The following IFT88 variants were observed in gnomAD, a reference collection of about 807,000 sequenced individuals.
IFT88 encodes the protein intraflagellar transport protein 88 homolog.
In IFT88, 74 loss-of-function variants were observed where a neutral mutation model predicts 119.5. The observed-to-expected ratio is 0.62, with a 90% CI of 0.51 to 0.75. The LOEUF is 0.75. Ranked by LOEUF, IFT88 falls within the 30% of genes least tolerant of loss-of-function variation. The pLI is 0.00. For synonymous variants in IFT88, 279 were observed against 316.7 expected (o/e 0.88, Z 1.26); for missense variants, 961 against 977.7 (o/e 0.98, Z 0.23).
chr13:20,634,592 T>C (rs2048719414), intron 16 of IFT88, among the ~76,000 whole-genome samples: 1 of 152,044 alleles, frequency 6.6e-6, no homozygotes, highest in Admixed American at 6.6e-5. Flanking sequence ...CCAGGCATGG[T>C]GGTGCATACC....
At chr13:20,591,524 T>A (rs145039013) in intron 5 of IFT88, 94 bp from the exon 6 acceptor site, 31 of 842,508 alleles carry the variant, frequency 3.7e-5, no homozygotes, top group Middle Eastern at 2.3e-4. Flanking sequence ...AGCATTTTTT[T>A]AAATAGGGCT....
At chr13:20,668,155 GCCAGC>G (rs2055069186) in intron 23 of IFT88, among the ~76,000 whole-genome samples, 2 of 152,148 alleles carry the variant, frequency 1.3e-5, no homozygotes, top group South Asian at 4.1e-4. Context: ...CAGCTGCTGG[GCCAGC>G]CCTGGAATAC....
intron 13 of IFT88, among the ~76,000 whole-genome samples, chr13:20,609,765 A>AAAAAAAC (rs146268381): frequency 5.3e-5 from 8 of 151,736 alleles, no homozygotes; most frequent in Non-Finnish European, 1.0e-4. Context: ...AACAAACAGA[A>AAAAAAAC]AAAAAACAAA....
At chr13:20,680,227 C>T (rs73165468) in intron 24 of IFT88, among the ~76,000 whole-genome samples, 10,334 of 152,242 alleles carry the variant, frequency 0.068, 489 homozygotes, top group Non-Finnish European at 0.099. Flanking sequence ...CAGGCACTAT[C>T]GCCAGCCAGG....
rs1566134231 is a variant in IFT88 at position 20,598,718 on chromosome 13, A to G, written c.662A>G (p.Gln221Arg). Reference sequence around the variant, plus strand: ...TATGCCGAAGCACTTAACACTTATCAAGTTATAGTCAAAAATAAGATGTTT... The same window carrying G: ...TATGCCGAAGCACTTAACACTTATCGAGTTATAGTCAAAAATAAGATGTTT... ...EMYAEALNTY[Q>R]VIVKNKMFSN... The change falls in exon 10 of 26, where the codon CAA becomes CGA. Residue 221 changes from glutamine (Q) to arginine (R), a missense_variant. Coordinates refer to ENST00000351808, the MANE Select transcript of IFT88 (RefSeq NM_006531.5). 1 of 1,609,776 alleles carries G rather than the reference A, an allele frequency of 6.2e-7. No individual in the cohort carries two copies. The highest frequency in any genetic ancestry group is 1.7e-5 in the Admixed American group (1 of 59,970).
chr13:20,581,231 C>T (rs1593759097), intron 2 of IFT88, among the ~76,000 whole-genome samples: 1 of 152,152 alleles, frequency 6.6e-6, no homozygotes, highest in South Asian at 2.1e-4. Flanking sequence ...AAATGAATTA[C>T]TTGCAGCAGT....
chr13:20,636,795 C>T (rs7987104), intron 16 of IFT88, among the ~76,000 whole-genome samples: 1,855 of 152,310 alleles, frequency 0.012, 37 homozygotes, highest in African/African-American at 0.043. Context: ...CCTCACTTGT[C>T]GGTACCAATT....
intron 1 of IFT88, among the ~76,000 whole-genome samples, chr13:20,572,982 T>C (rs1177578303): frequency 6.6e-6 from 1 of 152,128 alleles, no homozygotes; most frequent in Non-Finnish European, 1.5e-5. Flanking sequence ...TGCTTGTCCA[T>C]TTTACTGATG....
chr13:20,670,189 T>C (rs1171575800), intron 23 of IFT88, among the ~76,000 whole-genome samples: 1 of 152,192 alleles, frequency 6.6e-6, no homozygotes, highest in Admixed American at 6.5e-5. Flanking sequence ...TATCCACCCA[T>C]GTTAAGAAGT....
In IFT88 at chr13:20,605,053, T is replaced by G; in HGVS notation, c.1060T>G (p.Leu354Val). Residue 354 changes from leucine (L) to valine (V), a missense_variant, in exon 13 of 26, where the codon TTA becomes GTA. Leu to Val is a conservative substitution (Grantham distance 32, BLOSUM62 1). Coordinates refer to ENST00000351808, the MANE Select transcript of IFT88 (RefSeq NM_006531.5). ...ISPSDDPHTN[L>V]VTEAIKNDHL... ...TTACCAGGATGATCCTCATACTAACTTAGTAACTGAAGCTATAAAAAATGA... is the reference window on the plus strand; with the variant it reads ...TTACCAGGATGATCCTCATACTAACGTAGTAACTGAAGCTATAAAAAATGA... 6.7e-7 allele frequency: 1 copy of G among 1,498,230 alleles called. No homozygotes were observed. Among genetic ancestry groups the G allele is most frequent in the Non-Finnish European group, 9.3e-7 (1 of 1,077,178 alleles). 92.8% of individuals were successfully genotyped at this position (1,498,230 alleles called of 1,614,324 possible).
chr13:20,659,372 T>C (rs1378536994), intron 22 of IFT88, among the ~76,000 whole-genome samples: 1 of 152,020 alleles, frequency 6.6e-6, no homozygotes, highest in Admixed American at 6.5e-5. Flanking sequence ...TGTGCATCTA[T>C]AGTTCCACCT....
chr13:20,616,292 GC>G (rs749947830), intron 14 of IFT88, among the ~76,000 whole-genome samples: 30 of 152,240 alleles, frequency 2.0e-4, no homozygotes, highest in Non-Finnish European at 2.4e-4. Context: ...AATATCCTAG[GC>G]CTTCACATTC....
chr13:20,671,444 T>C (rs2140994100), intron 24 of IFT88, among the ~76,000 whole-genome samples: 1 of 152,310 alleles, frequency 6.6e-6, no homozygotes, highest in South Asian at 2.1e-4. Flanking sequence ...AGTCTGACTT[T>C]TAGTGTAGAA....
intron 2 of IFT88, among the ~76,000 whole-genome samples, chr13:20,582,163 A>G (rs1217257996): frequency 6.6e-6 from 1 of 152,120 alleles, no homozygotes; most frequent in African/African-American, 2.4e-5. Flanking sequence ...GAAGTAGGAA[A>G]TACGGGATGG....
Position 20,644,953 on chromosome 13 carries a change from T to A in IFT88, c.1944T>A (p.Leu648=). The change falls in exon 20 of 26, where the codon CTT becomes CTA. Residue 648 remains leucine, a synonymous_variant. Transcript: ENST00000351808. ...TTCAGTACTTTGAAAGAGCTTCTCT[T>A]ATACAGTAAGTAATCATTAGGATTT... The part of the protein sequence containing the change: ...KAIQYFERAS[L]IQPTQVKWQL... 6.9e-7 allele frequency: 1 copy of A among 1,447,842 alleles called. No homozygotes were observed. The highest frequency in any genetic ancestry group is 1.9e-4 in the Middle Eastern group (1 of 5,178). The allele number at this position is 1,447,842 out of a possible 1,614,324, so 89.7% of individuals were successfully genotyped here.
At chr13:20,658,973 T>C (rs1290846414) in intron 22 of IFT88, among the ~76,000 whole-genome samples, 1 of 152,188 alleles carries the variant, frequency 6.6e-6, no homozygotes, top group African/African-American at 2.4e-5. Flanking sequence ...CCTATTTAAT[T>C]TTCAAAACAA....
At chr13:20,617,367 C>T (rs1032015197) in intron 14 of IFT88, among the ~76,000 whole-genome samples, 15 of 151,996 alleles carry the variant, frequency 9.9e-5, no homozygotes, top group African/African-American at 2.7e-4. Context: ...GGCCCCCACA[C>T]GCTGCTGGGG....
At chr13:20,591,730 T>C (rs2040718687) in intron 6 of IFT88, 49 bp downstream of exon 6, 3 of 1,223,986 alleles carry the variant, frequency 2.5e-6, no homozygotes, top group Non-Finnish European at 2.4e-6. Flanking sequence ...CTTTTAATCT[T>C]TTATCATTTT....
At chr13:20,653,761 A>C (rs2052219979) in intron 20 of IFT88, 115 bp from the exon 21 acceptor site, 1 of 511,148 alleles carries the variant, frequency 2.0e-6, no homozygotes, top group Non-Finnish European at 3.4e-6. Context: ...CAATAATAAA[A>C]ATTATCTAAC....
Sources: allele counts gnomAD v4.1 joint callset (sites outside exome capture counted in the v4.1 genomes callset), GRCh38; gene constraint gnomAD v4.1.1; transcripts MANE v1.5; gene names NCBI Gene and HGNC (gene_info 2026-07-23, HGNC 2026-07-21).